Variants in ALOX5 observed in about 807,000 individuals in gnomAD.
The protein encoded by ALOX5 is polyunsaturated fatty acid 5-lipoxygenase.
ALOX5 carries 64 observed loss-of-function variants against 87.9 expected under a neutral mutation model. The observed-to-expected ratio is 0.73, with a 90% CI of 0.60 to 0.90. ALOX5 has a LOEUF of 0.90. ALOX5 is among the 40% of genes least tolerant of loss of function. The probability of loss-of-function intolerance (pLI) is 0.00; values close to 1 mark genes in which losing one functional copy is unlikely to be tolerated. For synonymous variants in ALOX5, 388 were observed against 355.1 expected (o/e 1.09, Z -1.04); for missense variants, 822 against 907.5 (o/e 0.91, Z 1.21).
intron 4 of ALOX5, among the ~76,000 whole-genome samples, chr10:45,419,343 G>A (rs949965560): frequency 2.0e-5 from 3 of 152,240 alleles, no homozygotes; most frequent in African/African-American, 7.2e-5. Flanking sequence ...GCACGAAGGA[G>A]GCTGGGGCGA....
At position 45,382,718 on chromosome 10, in the gene ALOX5, A is replaced by G. The variant is rs35504847; in HGVS notation, c.349+37A>G. The G allele has an allele frequency of 1.8e-5, 28 of 1,582,502 alleles. No individual in the cohort carries two copies. The African/African-American group carries it at 2.4e-4, about 14-fold the overall frequency. ...AGGCCCCTTCTGCCCCGGGCTTCCC[A>G]AGAACCGAAAGTTCTTCCTGTCCTC... On this transcript the variant is annotated intron_variant, in intron 2 of 13. Transcript: ENST00000374391.
chr10:45,386,639 G>A (rs1840018208), intron 2 of ALOX5, among the ~76,000 whole-genome samples: 1 of 151,768 alleles, frequency 6.6e-6, no homozygotes, highest in South Asian at 2.1e-4. Context: ...CATTTTTCTA[G>A]TAATTAATTT....
intron 2 of ALOX5, among the ~76,000 whole-genome samples, chr10:45,393,405 C>A (rs891097217): frequency 1.3e-5 from 2 of 152,160 alleles, no homozygotes; most frequent in Non-Finnish European, 2.9e-5. Flanking sequence ...ATTCAACAAC[C>A]ATTCATGCTA....
rs141839841 is a variant in ALOX5 at position 45,422,990 on chromosome 10, G to A, written c.555-1051G>A. ...GCCCTCGGTGCCTTCCTCTTCTTAC[G>A]AGGATGCTAATCCCATCACGGGTAC... On this transcript the variant is annotated intron_variant, in intron 4 of 13. Transcript: ENST00000374391. 1.0e-3 allele frequency among the ~76,000 whole-genome samples: 156 copies of A among 152,254 alleles called. 2 individuals are homozygous for A. The highest frequency in any genetic ancestry group is 3.6e-3 in the African/African-American group (149 of 41,530).
chr10:45,375,816 G>T (rs1213643529), intron 1 of ALOX5, among the ~76,000 whole-genome samples: 1 of 152,234 alleles, frequency 6.6e-6, no homozygotes, highest in Non-Finnish European at 1.5e-5. Flanking sequence ...GCAACCTTCA[G>T]TTGCTTAGTT....
chr10:45,441,712 C>T (rs1842241291), intron 9 of ALOX5: 12 of 451,430 alleles, frequency 2.7e-5, no homozygotes. Flanking sequence ...GTGTAGACCC[C>T]CCTCTGGAAC....
intron 7 of ALOX5, among the ~76,000 whole-genome samples, chr10:45,434,174 G>A (rs929303553): frequency 3.9e-5 from 6 of 152,200 alleles, no homozygotes; most frequent in South Asian, 2.1e-4. Flanking sequence ...CCCCTGCCCC[G>A]TCTCAATTGG....
intron 1 of ALOX5, among the ~76,000 whole-genome samples, chr10:45,378,977 A>C (rs1839730298): frequency 6.6e-6 from 1 of 152,166 alleles, no homozygotes; most frequent in South Asian, 2.1e-4. Context: ...AGGTGCCTGC[A>C]GGTGTAGGTA....
chr10:45,425,260 T>G lies in ALOX5; in HGVS notation c.834+128T>G. Reference sequence around the variant, plus strand: ...GGCCCATCTGGCCTACAGCAGCCGCTTCCTTTTCCTGGCAGCAGTGTCAGC... The same window carrying G: ...GGCCCATCTGGCCTACAGCAGCCGCGTCCTTTTCCTGGCAGCAGTGTCAGC... On this transcript the variant is annotated intron_variant, in intron 6 of 13. Coordinates refer to ENST00000374391, the MANE Select transcript of ALOX5 (RefSeq NM_000698.5). This position sits in a 1 kb window ranked among gnomAD's most constrained non-coding sequence, Gnocchi z 4.4. 1 of 1,113,352 alleles carries G rather than the reference T, an allele frequency of 9.0e-7. No homozygotes were observed. The highest frequency in any genetic ancestry group is 1.2e-6 in the Non-Finnish European group (1 of 803,576). The allele number at this position is 1,113,352 out of a possible 1,614,324, so 69.0% of individuals were successfully genotyped here.
chr10:45,376,304 G>A (rs1839608601), intron 1 of ALOX5, among the ~76,000 whole-genome samples: 1 of 142,032 alleles, frequency 7.0e-6, no homozygotes, highest in Non-Finnish European at 1.5e-5. Context: ...ATTTCCATTG[G>A]GTTGAGAGGG....
chr10:45,430,448 C>T (rs959074831), intron 7 of ALOX5, among the ~76,000 whole-genome samples: 5 of 151,638 alleles, frequency 3.3e-5, no homozygotes, highest in South Asian at 2.1e-4. Flanking sequence ...ATGCAAGATT[C>T]GGAATAAAAA....
intron 7 of ALOX5, among the ~76,000 whole-genome samples, chr10:45,438,431 A>G (rs1842124033): frequency 1.3e-5 from 2 of 152,348 alleles, no homozygotes; most frequent in South Asian, 2.1e-4. Flanking sequence ...TAAGTGAGAT[A>G]GCATGGGTAA....
intron 7 of ALOX5, 99 bp from the exon 8 acceptor site, chr10:45,440,331 A>C: frequency 7.6e-7 from 1 of 1,311,542 alleles, no homozygotes; most frequent in East Asian, 2.3e-5. Flanking sequence ...TGTTAAAGAA[A>C]TTCAGATACT....
chr10:45,397,190 G>A (rs1450786991), intron 3 of ALOX5, among the ~76,000 whole-genome samples: 1 of 152,154 alleles, frequency 6.6e-6, no homozygotes, highest in Non-Finnish European at 1.5e-5. Context: ...AGACCATCCT[G>A]GCCAACATGG....
rs17157731 is a variant in ALOX5 at position 45,376,907 on chromosome 10, A to G, written c.150+2478A>G. Among the ~76,000 whole-genome samples the G allele has an allele frequency of 6.1e-3, 928 of 152,308 alleles. 9 individuals are homozygous for G. The highest frequency in any genetic ancestry group is 0.02 in the African/African-American group (837 of 41,562). On this transcript the variant is annotated intron_variant, in intron 1 of 13. Transcript: ENST00000374391. ...GTCTGCTGGAGAAAGCCGGGATCCT[A>G]CACAGAATGGCCCTGTTTCCAGAGG...
At chr10:45,434,772 A>G (rs980876198) in intron 7 of ALOX5, among the ~76,000 whole-genome samples, 49 of 152,326 alleles carry the variant, frequency 3.2e-4, no homozygotes, top group South Asian at 4.1e-4. Context: ...CAAAACAAAG[A>G]GACAGATGTT....
chr10:45,388,306 C>T (rs1840073908), intron 2 of ALOX5, among the ~76,000 whole-genome samples: 1 of 150,780 alleles, frequency 6.6e-6, no homozygotes, highest in Non-Finnish European at 1.5e-5. Context: ...CCTCTGCAGA[C>T]TTAAATGTCC....
At chr10:45,438,932 T>C (rs1462912811) in intron 7 of ALOX5, among the ~76,000 whole-genome samples, 1 of 152,150 alleles carries the variant, frequency 6.6e-6, no homozygotes, top group African/African-American at 2.4e-5. Flanking sequence ...CTGGGGTCTC[T>C]CTGACCAGGG....
chr10:45,395,222 A>G (rs1475164059), intron 2 of ALOX5, among the ~76,000 whole-genome samples: 4 of 152,230 alleles, frequency 2.6e-5, no homozygotes. Context: ...TCCATCAATG[A>G]TAGACTGAAT....
Sources: gnomAD v4.1 joint callset for allele counts (sites outside exome capture counted in the v4.1 genomes callset) on GRCh38, gnomAD v4.1.1 for gene constraint, Gnocchi (gnomAD v3.1) non-coding constraint, MANE v1.5 for transcripts, NCBI Gene and HGNC (gene_info 2026-07-23, HGNC 2026-07-21) for gene names.